The following ASTN2 variants were observed in gnomAD, a reference collection of about 807,000 sequenced individuals.
The protein encoded by ASTN2 is astrotactin-2.
In ASTN2, 54 loss-of-function variants were observed where a neutral mutation model predicts 139.8. The observed-to-expected ratio is 0.39, with a 90% CI of 0.31 to 0.48. ASTN2 has a LOEUF of 0.48. Among genes scored for constraint, ASTN2 ranks in the 20% least tolerant of loss-of-function variants. The pLI is 0.95. For missense variants in ASTN2, 1,565 were observed against 1,725.1 expected, an observed-to-expected ratio of 0.91 and a Z score of 1.64; for synonymous variants, 756 against 719.5, an observed-to-expected ratio of 1.05 and a Z score of -0.81.
At chr9:116,778,356 A>G (rs1830136051) in intron 13 of ASTN2, among the ~76,000 whole-genome samples, 1 of 151,764 alleles carries the variant, frequency 6.6e-6, no homozygotes, top group Non-Finnish European at 1.5e-5. Context: ...TGAGTTCAAA[A>G]TTTGGTCATG....
At chr9:117,268,061 A>G (rs1833976942) in intron 2 of ASTN2, among the ~76,000 whole-genome samples, 1 of 152,220 alleles carries the variant, frequency 6.6e-6, no homozygotes, top group African/African-American at 2.4e-5. Flanking sequence ...ACTGGAATAG[A>G]TTATAAATGT....
intron 1 of ASTN2, among the ~76,000 whole-genome samples, chr9:117,377,225 C>T (rs149556507): frequency 1.3e-5 from 2 of 151,944 alleles, no homozygotes; most frequent in Admixed American, 6.5e-5. Context: ...CAGCCCTTGG[C>T]GATCCACTGG....
At chr9:116,559,516 T>C (rs763211946) in intron 19 of ASTN2, among the ~76,000 whole-genome samples, 38 of 152,228 alleles carry the variant, frequency 2.5e-4, no homozygotes, top group Non-Finnish European at 1.3e-4. Flanking sequence ...TGTTTGTGTA[T>C]GTACATGTCT....
intron 15 of ASTN2, among the ~76,000 whole-genome samples, chr9:116,727,954 G>A (rs9657642): frequency 0.38 from 57,443 of 152,066 alleles, 11,649 homozygotes; most frequent in East Asian, 0.77. Context: ...TTCCCAGGCT[G>A]TAAGAGCTTC....
rs1847234268 is a variant in ASTN2, at chr9:116,423,377, G to C, written c.*2474C>G. On this transcript the variant is annotated 3_prime_UTR_variant, in exon 23 of 23. Transcript: ENST00000313400. Reference sequence around the variant, plus strand: ...CCTGATGTCAAGTTACTCCCTTAAGGGCAATAGCTGGTGAATAGCAGTGTT... The same window carrying C: ...CCTGATGTCAAGTTACTCCCTTAAGCGCAATAGCTGGTGAATAGCAGTGTT... Among the ~76,000 whole-genome samples, 1 of 152,144 alleles carries C rather than the reference G, an allele frequency of 6.6e-6. No homozygotes were observed. The highest frequency in any genetic ancestry group is 1.5e-5 in the Non-Finnish European group (1 of 68,028).
At chr9:116,430,720 G>A (rs893956526) in intron 22 of ASTN2, among the ~76,000 whole-genome samples, 9 of 152,192 alleles carry the variant, frequency 5.9e-5, no homozygotes, top group African/African-American at 1.7e-4. Flanking sequence ...GACTTTGTAC[G>A]TAACAGGCAC....
chr9:117,262,364 C>T (rs908519609), intron 2 of ASTN2, among the ~76,000 whole-genome samples: 15 of 151,936 alleles, frequency 9.9e-5, no homozygotes, highest in African/African-American at 3.6e-4. Flanking sequence ...TGAATATTCC[C>T]ACCCAACACT....
intron 19 of ASTN2, among the ~76,000 whole-genome samples, chr9:116,515,637 C>T (rs1429795336): frequency 6.6e-6 from 1 of 152,094 alleles, no homozygotes; most frequent in Non-Finnish European, 1.5e-5. Context: ...CTGAGATAAT[C>T]CATTTTCTTG....
At chr9:116,538,361 G>C (rs1267784193) in intron 19 of ASTN2, among the ~76,000 whole-genome samples, 3 of 151,178 alleles carry the variant, frequency 2.0e-5, no homozygotes, top group African/African-American at 4.9e-5. Flanking sequence ...AGGAAGGAAG[G>C]AAACAAGGAA....
At chr9:117,315,753 G>C (rs903270253) in intron 1 of ASTN2, among the ~76,000 whole-genome samples, 5 of 152,146 alleles carry the variant, frequency 3.3e-5, no homozygotes, top group African/African-American at 1.2e-4. Flanking sequence ...CCTGATTCTC[G>C]TTGAGATTCA....
intron 1 of ASTN2, among the ~76,000 whole-genome samples, chr9:117,383,398 T>A (rs1272111241): frequency 6.6e-6 from 1 of 152,088 alleles, no homozygotes. Flanking sequence ...CTTGCTGGGG[T>A]GATAGAAATG....
intron 20 of ASTN2, among the ~76,000 whole-genome samples, chr9:116,473,535 T>C (rs2119020774): frequency 6.6e-6 from 1 of 152,304 alleles, no homozygotes; most frequent in African/African-American, 2.4e-5. Flanking sequence ...CGTGAGTAAC[T>C]GCACAGTGGG....
At chr9:117,232,732 T>C (rs1832931284) in intron 2 of ASTN2, among the ~76,000 whole-genome samples, 1 of 152,222 alleles carries the variant, frequency 6.6e-6, no homozygotes, top group African/African-American at 2.4e-5. Flanking sequence ...CAAATTGTTC[T>C]GTTATTATTA....
At chr9:116,845,371 G>A (rs190968521) in intron 11 of ASTN2, among the ~76,000 whole-genome samples, 20 of 152,168 alleles carry the variant, frequency 1.3e-4, no homozygotes, top group East Asian at 3.9e-4. Flanking sequence ...CGCCCGCCTC[G>A]GCCTCCCAAA....
At chr9:116,439,013 C>T (rs1452841158) in intron 22 of ASTN2, among the ~76,000 whole-genome samples, 1 of 152,044 alleles carries the variant, frequency 6.6e-6, no homozygotes, top group Non-Finnish European at 1.5e-5. Context: ...ACTAATCTCC[C>T]TTTTGAAGGG....
intron 11 of ASTN2, among the ~76,000 whole-genome samples, chr9:116,843,273 C>T (rs912699349): frequency 1.3e-5 from 2 of 152,158 alleles, no homozygotes; most frequent in Non-Finnish European, 1.5e-5. Flanking sequence ...AAAATCATGT[C>T]CTTTGCAGCA....
At chr9:116,966,465 A>G (rs1366622206) in intron 10 of ASTN2, among the ~76,000 whole-genome samples, 1 of 152,302 alleles carries the variant, frequency 6.6e-6, no homozygotes, top group East Asian at 1.9e-4. Context: ...ACTTACAGAA[A>G]TTTGGTGCTG....
At chr9:117,020,724 T>A (rs1837855740) in intron 6 of ASTN2, among the ~76,000 whole-genome samples, 1 of 151,952 alleles carries the variant, frequency 6.6e-6, no homozygotes, top group South Asian at 2.1e-4. Context: ...AGAGAGTGAG[T>A]TTTCTAAGGA....
chr9:117,290,977 G>A (rs150189825), intron 2 of ASTN2, among the ~76,000 whole-genome samples: 135 of 152,274 alleles, frequency 8.9e-4, no homozygotes, highest in African/African-American at 2.4e-3. Context: ...TCTTGGAATG[G>A]CCAGTTGTAT....
Sources: gnomAD v4.1 joint callset for allele counts (sites outside exome capture counted in the v4.1 genomes callset) on GRCh38, gnomAD v4.1.1 for gene constraint, MANE v1.5 for transcripts, NCBI Gene and HGNC (gene_info 2026-07-23, HGNC 2026-07-21) for gene names.